Variants in VPS13B observed in about 807,000 individuals in gnomAD.
VPS13B encodes the protein intermembrane lipid transfer protein VPS13B.
VPS13B carries 285 observed loss-of-function variants against 426.4 expected under a neutral mutation model. That is an observed-to-expected ratio of 0.67 (90% CI 0.61 to 0.74). The LOEUF is 0.74. VPS13B is among the 30% of genes least tolerant of loss of function. VPS13B has a pLI of 0.00. For synonymous variants in VPS13B, 1,676 were observed against 1,676.4 expected, an observed-to-expected ratio of 1.00 and a Z score of 0.01; for missense variants, 4,537 against 4,782.6, an observed-to-expected ratio of 0.95 and a Z score of 1.51.
intron 22 of VPS13B, among the ~76,000 whole-genome samples, chr8:99,440,113 A>T (rs1817608724): frequency 1.3e-5 from 2 of 152,290 alleles, no homozygotes; most frequent in African/African-American, 2.4e-5. Flanking sequence ...TTAACACATG[A>T]ATGTGTTCAG....
Position 99,626,485 on chromosome 8 carries a change from G to A in VPS13B, c.5221-15326G>A, listed in dbSNP as rs139120442. Among the ~76,000 whole-genome samples the A allele has an allele frequency of 1.5e-4, 23 of 152,240 alleles. No homozygotes were observed. In the East Asian group the frequency reaches 3.9e-3, roughly 26 times the overall value. The stretch of plus-strand genomic sequence containing the variant: ...GGGAAGTGCCTGCTAATGGGTATGG[G>A]GTTTCTTTGGAAGGGGTGATAAAAT... On this transcript the variant is annotated intron_variant, in intron 33 of 61. Transcript: ENST00000357162.
chr8:99,380,173 G>A (rs775042139), intron 19 of VPS13B, among the ~76,000 whole-genome samples: 2 of 152,238 alleles, frequency 1.3e-5, no homozygotes, highest in Admixed American at 6.5e-5. Context: ...AGTCTTTGCT[G>A]TAGTAGAGCT....
At chr8:99,806,975 T>C (rs1489896846) in intron 43 of VPS13B, among the ~76,000 whole-genome samples, 1 of 152,210 alleles carries the variant, frequency 6.6e-6, no homozygotes, top group Non-Finnish European at 1.5e-5. Flanking sequence ...TTGGTTTCTC[T>C]CAAGAATGTA....
chr8:99,022,441 CTGTT>C (rs1228111317), intron 2 of VPS13B, among the ~76,000 whole-genome samples: 1 of 137,436 alleles, frequency 7.3e-6, no homozygotes, highest in African/African-American at 2.8e-5. Flanking sequence ...AATTATCTTT[CTGTT>C]ACTGATTTCT....
Position 99,121,595 on chromosome 8 carries a change from C to T in VPS13B, c.1206+150C>T, listed in dbSNP as rs185949101. The T allele has an allele frequency of 1.2e-4, 172 of 1,446,164 alleles. No homozygotes were observed. The African/African-American group carries it at 2.2e-3, about 18-fold the overall frequency. 89.6% of individuals were successfully genotyped at this position (1,446,164 alleles called of 1,614,324 possible). ...GTTCTTACTTCATAAAATTACATGG[C>T]TCCTCCACTTGAAATCTTTGAATTC... On this transcript the variant is annotated intron_variant, in intron 8 of 61. Coordinates refer to ENST00000357162, the MANE Select transcript of VPS13B (RefSeq NM_152564.5).
intron 3 of VPS13B, among the ~76,000 whole-genome samples, chr8:99,095,352 A>G (rs1229065260): frequency 2.0e-5 from 3 of 152,150 alleles, no homozygotes. Flanking sequence ...CATTCTTTGT[A>G]CGTGCTACAT....
intron 60 of VPS13B, chr8:99,871,169 C>G: frequency 1.7e-6 from 1 of 603,204 alleles, no homozygotes; most frequent in South Asian, 2.0e-5. Context: ...CTGAGATTCC[C>G]TGTGGAACCA....
intron 17 of VPS13B, among the ~76,000 whole-genome samples, chr8:99,209,294 A>C (rs888171352): frequency 1.3e-5 from 2 of 151,466 alleles, no homozygotes; most frequent in African/African-American, 2.4e-5. Context: ...AAAAAAAACA[A>C]AACAAAAAAC....
intron 36 of VPS13B, among the ~76,000 whole-genome samples, chr8:99,715,756 G>A (rs1832892247): frequency 6.6e-6 from 1 of 152,130 alleles, no homozygotes; most frequent in South Asian, 2.1e-4. Flanking sequence ...CTAAATAATT[G>A]TACTGAATTA....
intron 58 of VPS13B, among the ~76,000 whole-genome samples, chr8:99,867,552 C>T (rs909088229): frequency 6.6e-6 from 1 of 152,164 alleles, no homozygotes; most frequent in Non-Finnish European, 1.5e-5. Context: ...AAGCGAGTAT[C>T]TTGGTGGTTA....
chr8:99,268,751 G>A (rs1176100922), intron 17 of VPS13B, among the ~76,000 whole-genome samples: 2 of 152,106 alleles, frequency 1.3e-5, no homozygotes, highest in Non-Finnish European at 2.9e-5. Context: ...CTTTGGGGGA[G>A]TTTTGGAAGG....
intron 20 of VPS13B, among the ~76,000 whole-genome samples, chr8:99,386,530 CA>C (rs1269892251): frequency 6.6e-6 from 1 of 151,948 alleles, no homozygotes; most frequent in Non-Finnish European, 1.5e-5. Context: ...AATTGTAACA[CA>C]AAGGTAAGTA....
chr8:99,338,077 T>TA (rs1811029872), intron 19 of VPS13B, among the ~76,000 whole-genome samples: 1 of 152,220 alleles, frequency 6.6e-6, no homozygotes, highest in Non-Finnish European at 1.5e-5. Flanking sequence ...TCATGCCAGT[T>TA]ACCATGGTCT....
chr8:99,822,112 G>A (rs1293832238), intron 50 of VPS13B, among the ~76,000 whole-genome samples: 1 of 152,180 alleles, frequency 6.6e-6, no homozygotes, highest in African/African-American at 2.4e-5. Flanking sequence ...CATTATGTAT[G>A]AAAGTACAAT....
chr8:99,385,041 G>A (rs1056309522), intron 20 of VPS13B, among the ~76,000 whole-genome samples: 12 of 152,042 alleles, frequency 7.9e-5, no homozygotes, highest in Admixed American at 5.9e-4. Context: ...AACATGCATC[G>A]AATACCTAAT....
Position 99,853,482 on chromosome 8 carries a change from T to C in VPS13B, c.10093T>C (p.Phe3365Leu). Reference sequence around the variant, plus strand: ...AGAGAAGATTGTTACATTTAAAATGTTCATCACTCAGTTAAGCCTGGCAGT... The same window carrying C: ...AGAGAAGATTGTTACATTTAAAATGCTCATCACTCAGTTAAGCCTGGCAGT... Reference protein sequence around the residue: ...APEKIVTFKMFITQLSLAVFD... With the variant: ...APEKIVTFKMLITQLSLAVFD... The change falls in exon 56 of 62, where the codon TTC becomes CTC. Residue 3365 changes from phenylalanine (F) to leucine (L), a missense_variant. By Grantham distance (22) the Phe-to-Leu change is conservative (BLOSUM62 0). Around this residue, in one of 2 missense-constraint regions of VPS13B, gnomAD observed 4,311 missense variants for 4,474.3 expected, o/e 0.96. Coordinates refer to ENST00000357162, the MANE Select transcript of VPS13B (RefSeq NM_152564.5). 6.2e-7 allele frequency: 1 copy of C among 1,614,208 alleles called. No homozygotes were observed. The highest frequency in any genetic ancestry group is 1.3e-5 in the African/African-American group (1 of 75,046).
chr8:99,789,780 A>G (rs1401265662), intron 43 of VPS13B, among the ~76,000 whole-genome samples: 3 of 152,146 alleles, frequency 2.0e-5, no homozygotes, highest in East Asian at 3.8e-4. Flanking sequence ...ATCATATCAT[A>G]TAAGTCAGAA....
At chr8:99,759,717 A>G (rs1810828297) in intron 39 of VPS13B, among the ~76,000 whole-genome samples, 1 of 152,162 alleles carries the variant, frequency 6.6e-6, no homozygotes, top group African/African-American at 2.4e-5. Context: ...AGTCTTACCC[A>G]TCCCAGTAAA....
chr8:99,171,573 T>C (rs1812334757), intron 16 of VPS13B, among the ~76,000 whole-genome samples: 1 of 152,010 alleles, frequency 6.6e-6, no homozygotes, highest in African/African-American at 2.4e-5. Flanking sequence ...GTATTATGAA[T>C]ACTGTCAAAT....
Sources: gnomAD v4.1 joint callset for allele counts (sites outside exome capture counted in the v4.1 genomes callset) on GRCh38, gnomAD v4.1.1 for gene constraint, gnomAD v4.1.1 regional missense constraint, MANE v1.5 for transcripts, NCBI Gene and HGNC (gene_info 2026-07-23, HGNC 2026-07-21) for gene names.